The following ANO9 variants were observed in gnomAD, a reference collection of about 807,000 sequenced individuals.
The protein encoded by ANO9 is anoctamin-9.
ANO9 carries 80 observed loss-of-function variants against 100.5 expected under a neutral mutation model. That is an observed-to-expected ratio of 0.80 (90% CI 0.66 to 0.96). The LOEUF (loss-of-function observed/expected upper bound fraction) is 0.96, where lower values mean the gene tolerates loss of function less well. Ranked by LOEUF, ANO9 falls within the 40% of genes least tolerant of loss-of-function variation. ANO9 has a pLI of 0.00. For synonymous variants in ANO9, 473 were observed against 435.6 expected (o/e 1.09, Z -1.07); for missense variants, 1,064 against 1,072.7 (o/e 0.99, Z 0.11).
At chr11:423,740 A>T (rs1449493265) in intron 15 of ANO9, among the ~76,000 whole-genome samples, 1 of 152,108 alleles carries the variant, frequency 6.6e-6, no homozygotes, top group Admixed American at 6.6e-5. Context: ...TACATTGCCC[A>T]GGCTGGTCTT....
At chr11:429,230 G>A (rs1264440069) in intron 11 of ANO9, among the ~76,000 whole-genome samples, 2 of 139,780 alleles carry the variant, frequency 1.4e-5, no homozygotes, top group African/African-American at 5.5e-5. Context: ...CACACGTGGG[G>A]AGACAGACAC....
chr11:420,669 C>G (rs747319256), intron 18 of ANO9, 49 bp downstream of exon 18: 5 of 1,600,776 alleles, frequency 3.1e-6, no homozygotes, highest in Non-Finnish European at 3.4e-6. Flanking sequence ...CCGCGGACCC[C>G]CGCCCCGCAT....
Position 432,012 on chromosome 11 carries a change from CTTG to C in ANO9, c.390_392del (p.Asn130del), listed in dbSNP as rs1156929272. The C allele has an allele frequency of 9.9e-6, 16 of 1,612,996 alleles. No individual in the cohort carries two copies. Among genetic ancestry groups the C allele is most frequent in the African/African-American group, 5.3e-5 (4 of 74,858 alleles). On this transcript the variant is annotated inframe_deletion, in exon 5 of 23. Coordinates refer to ENST00000332826, the MANE Select transcript of ANO9 (RefSeq NM_001012302.3). This position sits in a 1 kb window ranked among gnomAD's most constrained non-coding sequence, Gnocchi z 4.8. Reference sequence around the variant, plus strand: ...CCCTGCCCTTACCACCAGCCGAGGTCTTGTTGTTCATGACAACGAAGTTCACGA... The same window carrying C: ...CCCTGCCCTTACCACCAGCCGAGGTCTTGTTCATGACAACGAAGTTCACGA...
intron 4 of ANO9, chr11:433,111 A>C: frequency 3.1e-6 from 2 of 650,270 alleles, no homozygotes; most frequent in Non-Finnish European, 2.5e-6. Flanking sequence ...GAGCGTTGAG[A>C]ACCACCGTGA....
At position 420,580 on chromosome 11, in the gene ANO9, C is replaced by A. The variant is rs1486678403; in HGVS notation, c.1669G>T (p.Ala557Ser). The change falls in exon 19 of 23, where the codon GCC becomes TCC. Residue 557 changes from alanine (A) to serine (S), a missense_variant. Ala to Ser is a moderately conservative substitution (Grantham distance 99, BLOSUM62 1). Transcript: ENST00000332826. Reference protein sequence around the residue: ...QYGFTTIFVAAFPLAPLLALF... With the variant: ...QYGFTTIFVASFPLAPLLALF... ...GCGAGCAGCGGCGCCAGCGGGAAGGCGGCCACGAAGATGGTGGTGAAGCCG... is the reference window on the plus strand; with the variant it reads ...GCGAGCAGCGGCGCCAGCGGGAAGGAGGCCACGAAGATGGTGGTGAAGCCG... 6.2e-7 allele frequency: 1 copy of A among 1,604,982 alleles called. No homozygotes were observed. The highest frequency in any genetic ancestry group is 8.5e-7 in the Non-Finnish European group (1 of 1,179,476).
At position 430,408 on chromosome 11, in the gene ANO9, A is replaced by G. The variant is rs772627452; in HGVS notation, c.540-5T>C. 30 of 1,411,076 alleles carry G rather than the reference A, an allele frequency of 2.1e-5. No individual in the cohort carries two copies. Among genetic ancestry groups the G allele is most frequent in the Non-Finnish European group, 9.5e-7 (1 of 1,057,010 alleles). The allele number at this position is 1,411,076 out of a possible 1,614,324, so 87.4% of individuals were successfully genotyped here. A position where few individuals can be genotyped will look rare whatever the true frequency, so the allele number is the denominator to read the frequency against. On this transcript the variant is annotated splice_polypyrimidine_tract_variant and splice_region_variant and intron_variant, in intron 7 of 22. Coordinates refer to ENST00000332826, the MANE Select transcript of ANO9 (RefSeq NM_001012302.3). ...ACCTTTTCCCCAAAGTAGTTCCTGC[A>G]GGCAGCAGGGGTCAAGGCCAGCTGT...
intron 15 of ANO9, among the ~76,000 whole-genome samples, chr11:425,877 C>G (rs764992015): frequency 2.0e-5 from 3 of 150,896 alleles, no homozygotes; most frequent in African/African-American, 4.9e-5. Flanking sequence ...TACAGGTGCC[C>G]GCCACCACGC....
Position 432,395 on chromosome 11 carries a change from C to A in ANO9, c.351-341G>T, listed in dbSNP as rs976531537. ...GGGCCCCATGTGTCCAGAGCACACC[C>A]CAGCCTGCATCCGCACACACCCTCC... On this transcript the variant is annotated intron_variant, in intron 4 of 22. Transcript: ENST00000332826. This position sits in a 1 kb window ranked among gnomAD's most constrained non-coding sequence, Gnocchi z 4.8. 1 of 389,822 alleles carries A rather than the reference C, an allele frequency of 2.6e-6. No homozygotes were observed. Among genetic ancestry groups the A allele is most frequent in the Admixed American group, 3.9e-5 (1 of 25,768 alleles). 24.1% of individuals were successfully genotyped at this position (389,822 alleles called of 1,614,324 possible).
At chr11:430,240 C>G (rs759786307) in intron 8 of ANO9, 29 bp downstream of exon 8, 60 of 1,552,900 alleles carry the variant, frequency 3.9e-5, no homozygotes, top group Non-Finnish European at 5.1e-5. Flanking sequence ...CACCCCGGCC[C>G]CCCATGCCCG....
At chr11:426,315 A>G (rs1848518057) in intron 15 of ANO9, among the ~76,000 whole-genome samples, 1 of 152,116 alleles carries the variant, frequency 6.6e-6, no homozygotes. Flanking sequence ...CACACCTGTT[A>G]TCCCGTAGCA....
At chr11:429,869 G>T in intron 9 of ANO9, 51 bp from the exon 10 acceptor site, 1 of 1,504,634 alleles carries the variant, frequency 6.6e-7, no homozygotes. Context: ...CTGGGGAGGG[G>T]GGCAGGTGAG....
Position 422,654 on chromosome 11 carries a change from G to A in ANO9, c.1335-1456C>T, listed in dbSNP as rs908478768. On this transcript the variant is annotated intron_variant, in intron 15 of 22. Transcript: ENST00000332826. The surrounding 1 kb of genome is among the most constrained non-coding windows in gnomAD (Gnocchi z 4.3). ...CCCTGGAGCCTCCAGAAGGAGCCCA[G>A]CCCTGCTAACCCCTTAGTTTTCACC... Among the ~76,000 whole-genome samples, 2 of 152,150 alleles carry A rather than the reference G, an allele frequency of 1.3e-5. No individual in the cohort carries two copies. Among genetic ancestry groups the A allele is most frequent in the African/African-American group, 4.8e-5 (2 of 41,426 alleles).
Position 418,119 on chromosome 11 carries a change from T to C in ANO9, c.*252A>G. 1 of 479,050 alleles carries C rather than the reference T, an allele frequency of 2.1e-6. No individual in the cohort carries two copies. Among genetic ancestry groups the C allele is most frequent in the Non-Finnish European group, 3.7e-6 (1 of 271,590 alleles). 29.7% of individuals were successfully genotyped at this position (479,050 alleles called of 1,614,324 possible). ...TTGTGGCTGCCTGAGGAGCCCTCAC[T>C]CCCAGTTCTGTGGGTGCCCAGGGTC... is the stretch of plus-strand genomic sequence containing the variant. On this transcript the variant is annotated 3_prime_UTR_variant, in exon 23 of 23. Coordinates refer to ENST00000332826, the MANE Select transcript of ANO9 (RefSeq NM_001012302.3).
intron 5 of ANO9, 45 bp downstream of exon 5, chr11:431,954 A>G: frequency 6.2e-7 from 1 of 1,612,024 alleles, no homozygotes; most frequent in Non-Finnish European, 8.5e-7. Context: ...TGCTGGGAGA[A>G]CCCTGCCCGC....
chr11:429,385 G>T, intron 11 of ANO9, 185 bp downstream of exon 11: 1 of 1,393,398 alleles, frequency 7.2e-7, no homozygotes, highest in Non-Finnish European at 9.5e-7. Flanking sequence ...CACCCCACAC[G>T]TGGGGAGACA....
intron 1 of ANO9, among the ~76,000 whole-genome samples, chr11:435,690 TC>T (rs1302456763): frequency 6.6e-6 from 1 of 151,618 alleles, no homozygotes; most frequent in Admixed American, 6.6e-5. Flanking sequence ...TATGGTCTAG[TC>T]TAGTCTAGTC....
chr11:427,239 A>G (rs1305022045), intron 15 of ANO9, among the ~76,000 whole-genome samples: 1 of 151,918 alleles, frequency 6.6e-6, no homozygotes, highest in Non-Finnish European at 1.5e-5. Context: ...GGTCCCAGCC[A>G]CTCAGGAGGC....
At position 418,773 on chromosome 11, in the gene ANO9, C is replaced by A. The variant is rs769338224; in HGVS notation, c.2077G>T (p.Glu693Ter). Residue 693 changes from glutamate to a stop codon, truncating the protein, a stop_gained, in exon 22 of 23, where the codon GAG becomes TAG. Coordinates refer to ENST00000332826, the MANE Select transcript of ANO9 (RefSeq NM_001012302.3). LOFTEE classifies it high-confidence loss of function. ...YRNPPDYNFS[E>*]QFWFLLAIRL... The stretch of plus-strand genomic sequence containing the variant: ...ATGGCCAGGAGGAACCAGAACTGCT[C>A]GGAGAAGTTGTAATCGGGGGGATTG... 6.2e-7 allele frequency: 1 copy of A among 1,613,046 alleles called. No individual in the cohort carries two copies.
At chr11:429,978 A>T (rs568774469) in intron 9 of ANO9, 105 bp downstream of exon 9, 1 of 1,408,568 alleles carries the variant, frequency 7.1e-7, no homozygotes, top group Admixed American at 2.0e-5. Context: ...CTGTGGGGAA[A>T]GCTGAGCAGC....
Sources: allele counts gnomAD v4.1 joint callset (sites outside exome capture counted in the v4.1 genomes callset), GRCh38; gene constraint gnomAD v4.1.1; non-coding constraint Gnocchi (gnomAD v3.1); transcripts MANE v1.5; gene names NCBI Gene and HGNC (gene_info 2026-07-23, HGNC 2026-07-21).